Variants in SORCS2 observed in about 807,000 individuals in gnomAD.
SORCS2 encodes the protein VPS10 domain-containing receptor SorCS2.
A neutral mutation model predicts 141.6 loss-of-function variants in SORCS2; 100 were observed. The ratio of observed to expected loss-of-function variants is 0.71; its 90% CI spans 0.60 to 0.83. SORCS2 has a LOEUF of 0.83. Ranked by LOEUF, SORCS2 falls within the 40% of genes least tolerant of loss-of-function variation. The pLI is 0.00. For missense variants in SORCS2, 1,646 were observed against 1,560.2 expected, an observed-to-expected ratio of 1.05 and a Z score of -0.93; for synonymous variants, 789 against 676.9, an observed-to-expected ratio of 1.17 and a Z score of -2.57.
At chr4:7,564,687 A>G (rs1714839915) in intron 3 of SORCS2, among the ~76,000 whole-genome samples, 1 of 152,200 alleles carries the variant, frequency 6.6e-6, no homozygotes, top group Admixed American at 6.5e-5. Flanking sequence ...ATTTGAACCC[A>G]GCATCCATCC....
intron 18 of SORCS2, among the ~76,000 whole-genome samples, chr4:7,720,762 G>A (rs148500626): frequency 0.021 from 3,180 of 152,292 alleles, 43 homozygotes; most frequent in Middle Eastern, 0.058. Flanking sequence ...GCCATCAGCC[G>A]CCAGGGAAGC....
chr4:7,583,324 G>T (rs1391985962), intron 3 of SORCS2, among the ~76,000 whole-genome samples: 1 of 151,912 alleles, frequency 6.6e-6, no homozygotes, highest in Non-Finnish European at 1.5e-5. Context: ...CTCCAGAAAA[G>T]ACCTTAAGGA....
At position 7,707,514 on chromosome 4, in the gene SORCS2, C is replaced by T. The variant is rs192676499; in HGVS notation, c.1868+3230C>T. Among the ~76,000 whole-genome samples the T allele has an allele frequency of 1.3e-3, 192 of 152,300 alleles. 1 individual carries two copies. The highest frequency in any genetic ancestry group is 4.3e-3 in the African/African-American group (177 of 41,570). On this transcript the variant is annotated intron_variant, in intron 14 of 26. Transcript: ENST00000507866. ...TTTAAGATGAGCGGGTCAGCAACAG[C>T]GCGAATTCCTGCCGCCTTCAATTCA...
Position 7,462,349 on chromosome 4 carries a change from G to T in SORCS2, c.548+65994G>T, listed in dbSNP as rs1283776631. 2.0e-5 allele frequency among the ~76,000 whole-genome samples: 3 copies of T among 152,202 alleles called. No homozygotes were observed. The East Asian group carries it at 5.8e-4, about 29-fold the overall frequency. On this transcript the variant is annotated intron_variant, in intron 2 of 26. Transcript: ENST00000507866. ...GCCTCAGCTTGTTCATCTATGTAAT[G>T]GGGCAAAGGGCAGCACGAAGGATCT... is the stretch of plus-strand genomic sequence containing the variant.
chr4:7,232,241 T>C (rs77509749), intron 1 of SORCS2, among the ~76,000 whole-genome samples: 3,140 of 151,970 alleles, frequency 0.021, 54 homozygotes, highest in Middle Eastern at 0.048. Flanking sequence ...GCAGGATGGA[T>C]GAGGGGAAAG....
intron 3 of SORCS2, among the ~76,000 whole-genome samples, chr4:7,552,213 G>A (rs1448453818): frequency 6.6e-6 from 1 of 152,168 alleles, no homozygotes; most frequent in African/African-American, 2.4e-5. Flanking sequence ...GGGCCCATGC[G>A]AGGTGGGGCA....
intron 1 of SORCS2, among the ~76,000 whole-genome samples, chr4:7,377,050 A>C (rs1330256786): frequency 6.6e-6 from 1 of 152,244 alleles, no homozygotes; most frequent in East Asian, 1.9e-4. Flanking sequence ...GGAAAGAGGC[A>C]TATAAGCATG....
chr4:7,416,477 C>T (rs1484423989), intron 2 of SORCS2, among the ~76,000 whole-genome samples: 1 of 152,222 alleles, frequency 6.6e-6, no homozygotes, highest in African/African-American at 2.4e-5. Flanking sequence ...TGCATACACA[C>T]ACTCATGCAC....
intron 1 of SORCS2, among the ~76,000 whole-genome samples, chr4:7,265,999 G>A (rs546894339): frequency 3.8e-4 from 58 of 152,238 alleles, no homozygotes; most frequent in South Asian, 1.0e-3. Context: ...CTCTTCCTCC[G>A]TGTCATCCTA....
intron 3 of SORCS2, among the ~76,000 whole-genome samples, chr4:7,616,066 A>G (rs1718736422): frequency 6.6e-6 from 1 of 152,208 alleles, no homozygotes; most frequent in African/African-American, 2.4e-5. Context: ...ATTTTCTGGC[A>G]TCCCTAGCTT....
At chr4:7,586,505 A>G (rs1716547518) in intron 3 of SORCS2, among the ~76,000 whole-genome samples, 1 of 151,872 alleles carries the variant, frequency 6.6e-6, no homozygotes, top group Non-Finnish European at 1.5e-5. Flanking sequence ...AGGCCTCTAT[A>G]TGTGTTATTT....
intron 2 of SORCS2, among the ~76,000 whole-genome samples, chr4:7,417,470 G>C (rs1204886592): frequency 6.6e-6 from 1 of 152,188 alleles, no homozygotes; most frequent in Admixed American, 6.5e-5. Flanking sequence ...GCTAGTGTTT[G>C]TCTGAGTTTG....
At chr4:7,370,025 A>T (rs530607550) in intron 1 of SORCS2, among the ~76,000 whole-genome samples, 1 of 152,230 alleles carries the variant, frequency 6.6e-6, no homozygotes, top group Non-Finnish European at 1.5e-5. Flanking sequence ...AGATAAGAAG[A>T]AGCAGCCACG....
At chr4:7,499,013 C>A (rs1077004) in intron 2 of SORCS2, among the ~76,000 whole-genome samples, 1 of 152,140 alleles carries the variant, frequency 6.6e-6, no homozygotes, top group Non-Finnish European at 1.5e-5. Context: ...GGGGCAGCAC[C>A]GTGGAGACGG....
At chr4:7,489,516 T>C (rs1256931140) in intron 2 of SORCS2, among the ~76,000 whole-genome samples, 3 of 152,066 alleles carry the variant, frequency 2.0e-5, no homozygotes, top group Admixed American at 1.3e-4. Flanking sequence ...AAATAATCCA[T>C]GTAAACTGTC....
intron 1 of SORCS2, among the ~76,000 whole-genome samples, chr4:7,263,717 C>T (rs547129733): frequency 1.3e-5 from 2 of 152,198 alleles, no homozygotes; most frequent in African/African-American, 4.8e-5. Flanking sequence ...TGCTGCTTGG[C>T]AGGCTCCTCC....
intron 3 of SORCS2, among the ~76,000 whole-genome samples, chr4:7,557,485 C>G (rs928715681): frequency 1.3e-5 from 2 of 152,182 alleles, no homozygotes; most frequent in Non-Finnish European, 2.9e-5. Context: ...CCTAGCCACG[C>G]AAGGATTCGT....
chr4:7,715,817 C>G (rs978680290), intron 17 of SORCS2, among the ~76,000 whole-genome samples: 1 of 152,234 alleles, frequency 6.6e-6, no homozygotes, highest in Non-Finnish European at 1.5e-5. Flanking sequence ...TTAAATGGCA[C>G]TTCCTCCAGG....
chr4:7,637,406 C>T (rs71601866), intron 3 of SORCS2, among the ~76,000 whole-genome samples: 20,878 of 152,270 alleles, frequency 0.14, 1,706 homozygotes, highest in Non-Finnish European at 0.19. Flanking sequence ...CCCGTCCGTC[C>T]CTGGTCCTGC....
Sources: allele counts gnomAD v4.1 joint callset (sites outside exome capture counted in the v4.1 genomes callset), GRCh38; gene constraint gnomAD v4.1.1; transcripts MANE v1.5; gene names NCBI Gene and HGNC (gene_info 2026-07-23, HGNC 2026-07-21).